Variants in CSMD2 observed in about 807,000 individuals in gnomAD.
CSMD2 encodes CUB and Sushi multiple domains 2, also known as CUB and sushi domain-containing protein 2.
Under a neutral mutation model 398.5 loss-of-function variants are expected in CSMD2, and 130 were observed. The ratio of observed to expected loss-of-function variants is 0.33; its 90% CI spans 0.28 to 0.38. The LOEUF (loss-of-function observed/expected upper bound fraction) is 0.38. Among genes scored for constraint, CSMD2 ranks in the 10% least tolerant of loss-of-function variants. The pLI, the probability that CSMD2 is intolerant of heterozygous loss-of-function variation, is 1.00. For missense variants in CSMD2, 3,829 were observed against 4,764.9 expected (o/e 0.80, Z 5.78); for synonymous variants, 1,828 against 1,908.5 (o/e 0.96, Z 1.10).
chr1:33,967,120 G>A (rs1011992242), intron 3 of CSMD2, among the ~76,000 whole-genome samples: 11 of 152,194 alleles, frequency 7.2e-5, no homozygotes, highest in Admixed American at 3.9e-4. Flanking sequence ...ATGATGTGGG[G>A]TGAGGTAGAG....
chr1:33,732,576 G>T (rs1201584566), intron 15 of CSMD2, among the ~76,000 whole-genome samples: 1 of 152,188 alleles, frequency 6.6e-6, no homozygotes, highest in East Asian at 1.9e-4. Context: ...AACCAGCCCT[G>T]CCAGTACCTT....
intron 3 of CSMD2, among the ~76,000 whole-genome samples, chr1:33,992,841 C>T (rs955433580): frequency 1.4e-5 from 2 of 146,752 alleles, no homozygotes; most frequent in African/African-American, 5.1e-5. Context: ...CGTGCCACTG[C>T]ACTCCAGCCT....
At chr1:33,909,081 C>T (rs905592233) in intron 5 of CSMD2, among the ~76,000 whole-genome samples, 1 of 152,200 alleles carries the variant, frequency 6.6e-6, no homozygotes, top group South Asian at 2.1e-4. Context: ...GCTCAGCCAA[C>T]ATGGGTTCAG....
chr1:33,906,169 T>C (rs558634117), intron 5 of CSMD2, among the ~76,000 whole-genome samples: 1 of 152,372 alleles, frequency 6.6e-6, no homozygotes, highest in South Asian at 2.1e-4. Flanking sequence ...AGGAAATCTT[T>C]GTGGTGTTAT....
At chr1:34,106,290 T>C (rs1288610916) in intron 1 of CSMD2, among the ~76,000 whole-genome samples, 1 of 152,196 alleles carries the variant, frequency 6.6e-6, no homozygotes, top group East Asian at 1.9e-4. Flanking sequence ...GAAGGACTGG[T>C]GCTTTCATGC....
At chr1:33,968,129 C>CAT (rs1017942132) in intron 3 of CSMD2, among the ~76,000 whole-genome samples, 2 of 152,196 alleles carry the variant, frequency 1.3e-5, no homozygotes, top group African/African-American at 4.8e-5. Context: ...CTGGCCCTGT[C>CAT]ATAGTCCCAC....
chr1:33,597,585 TAA>T (rs1485429690), intron 44 of CSMD2, among the ~76,000 whole-genome samples: 1 of 152,178 alleles, frequency 6.6e-6, no homozygotes, highest in African/African-American at 2.4e-5. Flanking sequence ...GGTAGAAATG[TAA>T]AGTCTGCTAA....
At chr1:34,158,996 C>T (rs1641061216) in intron 1 of CSMD2, among the ~76,000 whole-genome samples, 1 of 152,200 alleles carries the variant, frequency 6.6e-6, no homozygotes, top group Non-Finnish European at 1.5e-5. Context: ...TTCCAGTCTT[C>T]CCAGCCCCCA....
At chr1:33,966,586 A>G (rs2125409086) in intron 3 of CSMD2, among the ~76,000 whole-genome samples, 1 of 152,330 alleles carries the variant, frequency 6.6e-6, no homozygotes, top group East Asian at 1.9e-4. Flanking sequence ...CCAACTGCCC[A>G]GGGTGGTGAT....
intron 5 of CSMD2, among the ~76,000 whole-genome samples, chr1:33,861,938 C>T (rs139610945): frequency 0.017 from 823 of 47,606 alleles, 6 homozygotes; most frequent in African/African-American, 0.14. Context: ...TTTCCTCCAT[C>T]TCTGATCTCC....
intron 4 of CSMD2, among the ~76,000 whole-genome samples, chr1:33,929,205 C>A (rs188578376): frequency 4.6e-5 from 7 of 152,200 alleles, no homozygotes; most frequent in Middle Eastern, 3.4e-3. Flanking sequence ...CAAAGCACAG[C>A]CCCAATCTAC....
intron 3 of CSMD2, among the ~76,000 whole-genome samples, chr1:33,983,796 G>A (rs1055746092): frequency 6.6e-6 from 1 of 152,106 alleles, no homozygotes; most frequent in Non-Finnish European, 1.5e-5. Flanking sequence ...GCTGTTAGCC[G>A]AGAGTGAACA....
At position 34,134,891 on chromosome 1, in the gene CSMD2, G is replaced by T. The variant is rs117715491; in HGVS notation, c.187+30020C>A. Among the ~76,000 whole-genome samples the T allele has an allele frequency of 8.5e-5, 13 of 152,256 alleles. No homozygotes were observed. In the East Asian group the frequency reaches 1.9e-3, roughly 23 times the overall value. On this transcript the variant is annotated intron_variant, in intron 1 of 70. Coordinates refer to ENST00000373381, the MANE Select transcript of CSMD2 (RefSeq NM_001281956.2). The stretch of plus-strand genomic sequence containing the variant: ...TACTTTTCTGATTTCCATCAGATTC[G>T]CAAGTTTTTAAAAAGTTGTTGGGAA...
chr1:33,697,038 G>A (rs1180985185), intron 24 of CSMD2, among the ~76,000 whole-genome samples: 3 of 152,168 alleles, frequency 2.0e-5, no homozygotes, highest in Admixed American at 1.3e-4. Flanking sequence ...AATGGGGAAG[G>A]CCTCCAAGGT....
Position 34,164,925 on chromosome 1 carries a change from A to G in CSMD2, c.173T>C (p.Val58Ala). 1 of 1,219,556 alleles carries G rather than the reference A, an allele frequency of 8.2e-7. No individual in the cohort carries two copies. 75.5% of individuals were successfully genotyped at this position (1,219,556 alleles called of 1,614,324 possible). Residue 58 changes from valine to alanine, a missense_variant, in exon 1 of 71, where the codon GTC (valine) becomes GCC (alanine). Physicochemically the swap from Val to Ala is moderately conservative, Grantham distance 64. Transcript: ENST00000373381. The surrounding 1 kb of genome is among the most constrained non-coding windows in gnomAD (Gnocchi z 6.2). ...GCTGGACTCACCCGCGGCGGCCGAG[A>G]CGCTGAGCAACCCACAGCCCAGCAA... ...LLLLGCGLLS[V>A]SAAAGQNCTF...
chr1:33,537,191 C>A lies in CSMD2; in HGVS notation c.9806-96G>T. 1 of 1,401,006 alleles carries A rather than the reference C, an allele frequency of 7.1e-7. No individual in the cohort carries two copies. Among genetic ancestry groups the A allele is most frequent in the Non-Finnish European group, 1.0e-6 (1 of 994,632 alleles). The allele number at this position is 1,401,006 out of a possible 1,614,324, so 86.8% of individuals were successfully genotyped here. ...AATAGGTGTAGAAAAGAAAATGCGG[C>A]CACATCCTGACTTCCCTGCCCACTG... On this transcript the variant is annotated intron_variant, in intron 61 of 70. Transcript: ENST00000373381. This position sits in a 1 kb window ranked among gnomAD's most constrained non-coding sequence, Gnocchi z 4.6.
rs539328656 is a variant in CSMD2, at chr1:33,881,368, AG to A, written c.921-34373del. ...ATATAAAAACTGTTCTGTAGGAGAA[AG>A]GGGCAGGAAATAATTAACTGTCAAG... On this transcript the variant is annotated intron_variant, in intron 5 of 70. Coordinates refer to ENST00000373381, the MANE Select transcript of CSMD2 (RefSeq NM_001281956.2). 3.9e-5 allele frequency among the ~76,000 whole-genome samples: 6 copies of A among 152,376 alleles called. No homozygotes were observed. The East Asian group carries it at 1.2e-3, about 29-fold the overall frequency.
intron 67 of CSMD2, 50 bp from the exon 68 acceptor site, chr1:33,521,600 C>G (rs1307556649): frequency 1.8e-6 from 2 of 1,139,932 alleles, no homozygotes; most frequent in Admixed American, 3.4e-5. Context: ...CTGGAAGGAT[C>G]TAGAACTCCT....
chr1:33,926,076 A>G (rs1347755971), intron 4 of CSMD2, among the ~76,000 whole-genome samples: 1 of 152,170 alleles, frequency 6.6e-6, no homozygotes, highest in Non-Finnish European at 1.5e-5. Flanking sequence ...TCCATAATTA[A>G]TTGATCAATT....
Sources: gnomAD v4.1 joint callset for allele counts (sites outside exome capture counted in the v4.1 genomes callset) on GRCh38, gnomAD v4.1.1 for gene constraint, Gnocchi (gnomAD v3.1) non-coding constraint, MANE v1.5 for transcripts, NCBI Gene and HGNC (gene_info 2026-07-23, HGNC 2026-07-21) for gene names.